The following COLEC11 variants were observed in gnomAD, a reference collection of about 807,000 sequenced individuals.
COLEC11 encodes the protein collectin subfamily member 11.
Under a neutral mutation model 27.3 loss-of-function variants are expected in COLEC11, and 20 were observed. The ratio of observed to expected loss-of-function variants is 0.73; its 90% CI spans 0.51 to 1.06. COLEC11 has a LOEUF of 1.06. COLEC11 is among the 50% of genes least tolerant of loss of function. The pLI is 0.00. For missense variants in COLEC11, 310 were observed against 383.0 expected (o/e 0.81, Z 1.59); for synonymous variants, 163 against 154.7 (o/e 1.05, Z -0.40).
chr2:3,642,527 T>TC (rs1665945623), intron 5 of COLEC11, among the ~76,000 whole-genome samples: 1 of 151,952 alleles, frequency 6.6e-6, no homozygotes, highest in South Asian at 2.1e-4. Context: ...CCCTATCAGC[T>TC]CCCTTTCACC....
intron 3 of COLEC11, among the ~76,000 whole-genome samples, chr2:3,627,554 G>C (rs982959355): frequency 3.3e-5 from 5 of 151,140 alleles, no homozygotes; most frequent in African/African-American, 1.2e-4. Flanking sequence ...GCATGACACT[G>C]GGCATGATGA....
intron 3 of COLEC11, among the ~76,000 whole-genome samples, chr2:3,618,047 T>A (rs1483392097): frequency 6.6e-6 from 1 of 152,240 alleles, no homozygotes; most frequent in Non-Finnish European, 1.5e-5. Context: ...TTATTTGTTT[T>A]TCGGCTATTG....
At chr2:3,624,410 T>C (rs1325915722) in intron 3 of COLEC11, among the ~76,000 whole-genome samples, 2 of 152,224 alleles carry the variant, frequency 1.3e-5, no homozygotes, top group Admixed American at 1.3e-4. Flanking sequence ...ATAGCCTTTC[T>C]TCCTAGCTCC....
chr2:3,631,703 T>C (rs1665015042), intron 3 of COLEC11, among the ~76,000 whole-genome samples: 1 of 151,150 alleles, frequency 6.6e-6, no homozygotes, highest in East Asian at 1.9e-4. Context: ...CGGAGGGGGC[T>C]CTGCTCGGAG....
Position 3,603,756 on chromosome 2 carries a change from C to T in COLEC11, c.-26-559C>T, listed in dbSNP as rs1662415674. On this transcript the variant is annotated intron_variant, in intron 1 of 6. Transcript: ENST00000349077. The stretch of plus-strand genomic sequence containing the variant: ...CCCACCTCCCCAGGCCCCTGGGTTC[C>T]TAAGGCCGGGGCTCCTCTCTCCTTA... 7 of 1,285,322 alleles carry T rather than the reference C, an allele frequency of 5.4e-6. No individual in the cohort carries two copies. The East Asian group carries it at 1.5e-4, about 28-fold the overall frequency. 79.6% of individuals were successfully genotyped at this position (1,285,322 alleles called of 1,614,324 possible). A position where few individuals can be genotyped will look rare whatever the true frequency, so the allele number is the denominator to read the frequency against.
At chr2:3,613,240 T>C (rs1572411646) in intron 2 of COLEC11, 71 bp from the exon 3 acceptor site, 1 of 1,502,134 alleles carries the variant, frequency 6.7e-7, no homozygotes, top group Admixed American at 1.9e-5. Flanking sequence ...TAACTGTTCT[T>C]CCTCCACAAA....
At chr2:3,642,631 C>G (rs763804774) in intron 5 of COLEC11, among the ~76,000 whole-genome samples, 2 of 152,326 alleles carry the variant, frequency 1.3e-5, no homozygotes, top group East Asian at 1.9e-4. Flanking sequence ...GTGCAGCTCC[C>G]CAGAGTTCTG....
At chr2:3,635,312 T>C (rs1428479898) in intron 3 of COLEC11, among the ~76,000 whole-genome samples, 1 of 151,968 alleles carries the variant, frequency 6.6e-6, no homozygotes, top group Non-Finnish European at 1.5e-5. Flanking sequence ...GGCGTTTTTC[T>C]TATCCTCCCA....
intron 2 of COLEC11, among the ~76,000 whole-genome samples, chr2:3,611,172 T>C (rs1663159172): frequency 6.7e-6 from 1 of 149,280 alleles, no homozygotes; most frequent in Non-Finnish European, 1.5e-5. Context: ...GAGTTTTTCC[T>C]TCAACTCTCA....
Position 3,635,547 on chromosome 2 carries a change from G to A in COLEC11, c.203-1986G>A, listed in dbSNP as rs1418632567. On this transcript the variant is annotated intron_variant, in intron 3 of 6. Transcript: ENST00000349077. ...GGACGGACGAGGAAGTGGTGTCCCC[G>A]TTGCCCCTTTTCTATTCCCTTCCCT... 4.6e-5 allele frequency among the ~76,000 whole-genome samples: 7 copies of A among 152,178 alleles called. 1 individual carries two copies. In the East Asian group the frequency reaches 5.8e-4, roughly 13 times the overall value.
intron 3 of COLEC11, among the ~76,000 whole-genome samples, chr2:3,625,749 C>T (rs1664508179): frequency 6.7e-6 from 1 of 148,870 alleles, no homozygotes; most frequent in Admixed American, 6.8e-5. Context: ...TCTCCTGCCT[C>T]AGCCTCCTGA....
intron 2 of COLEC11, chr2:3,606,325 A>G: frequency 8.0e-7 from 1 of 1,245,896 alleles, no homozygotes. Flanking sequence ...TGCTGTTGGG[A>G]GGGTCCTTCC....
rs202154259 is a variant in COLEC11 at position 3,621,401 on chromosome 2, TTAG to T, written c.202+8021_202+8023del. Among the ~76,000 whole-genome samples, 100 of 152,358 alleles carry T rather than the reference TTAG, an allele frequency of 6.6e-4. No homozygotes were observed. In the East Asian group the frequency reaches 0.018, roughly 28 times the overall value. ...AATATCTTTTTCCATCCCTTCATTT[TTAG>T]TCTATGTGTGATCTTAAAGCTGAAG... On this transcript the variant is annotated intron_variant, in intron 3 of 6. Coordinates refer to ENST00000349077, the MANE Select transcript of COLEC11 (RefSeq NM_024027.5).
At chr2:3,603,624 C>A (rs1445534929) in intron 1 of COLEC11, 1 of 1,550,948 alleles carries the variant, frequency 6.4e-7, no homozygotes, top group African/African-American at 1.4e-5. Context: ...GTCTTGTTTT[C>A]CAAGTTGTAA....
At chr2:3,608,813 C>G (rs971808518) in intron 2 of COLEC11, among the ~76,000 whole-genome samples, 3 of 152,240 alleles carry the variant, frequency 2.0e-5, no homozygotes, top group Admixed American at 6.5e-5. Flanking sequence ...GCAGCCCCGC[C>G]GTGGATGGGA....
rs12478522 is a variant in COLEC11, at chr2:3,605,254, C to T, written c.130+784C>T. On this transcript the variant is annotated intron_variant, in intron 2 of 6. Coordinates refer to ENST00000349077, the MANE Select transcript of COLEC11 (RefSeq NM_024027.5). ...GTGGCAGGGCCGGGGCTGCACCGGC[C>T]GCAGCAGAGTCCAGGCCGCCGCTGA... Among the ~76,000 whole-genome samples the T allele has an allele frequency of 1.4e-5, 2 of 138,426 alleles. 1 individual carries two copies. The highest frequency in any genetic ancestry group is 3.2e-5 in the Non-Finnish European group (2 of 61,716). The allele number at this position is 138,426 out of a possible 152,430, so 90.8% of individuals were successfully genotyped here.
intron 5 of COLEC11, among the ~76,000 whole-genome samples, chr2:3,642,439 C>A (rs1415560659): frequency 1.3e-5 from 2 of 152,162 alleles, no homozygotes; most frequent in Non-Finnish European, 2.9e-5. Context: ...CTCTGCGTCC[C>A]ACCCATGTCC....
chr2:3,617,516 A>C (rs1016025679), intron 3 of COLEC11: 8 of 1,494,112 alleles, frequency 5.4e-6, no homozygotes, highest in Non-Finnish European at 7.5e-6. Flanking sequence ...TGCTTGTGGA[A>C]TATACAGTGC....
In COLEC11 at chr2:3,604,215, C is replaced by T. The variant is rs530610582; in HGVS notation, c.-26-100C>T. 56 of 1,317,968 alleles carry T rather than the reference C, an allele frequency of 4.2e-5. 1 individual carries two copies. The East Asian group carries it at 8.6e-4, about 20-fold the overall frequency. The allele number at this position is 1,317,968 out of a possible 1,614,324, so 81.6% of individuals were successfully genotyped here. ...TGGGGGCCCAGACAGCCCTTCCAGG[C>T]ACCAGGAGGGCTACACCCCTTGCCT... On this transcript the variant is annotated intron_variant, in intron 1 of 6. Coordinates refer to ENST00000349077, the MANE Select transcript of COLEC11 (RefSeq NM_024027.5).
Sources: allele counts gnomAD v4.1 joint callset (sites outside exome capture counted in the v4.1 genomes callset), GRCh38; gene constraint gnomAD v4.1.1; transcripts MANE v1.5; gene names NCBI Gene and HGNC (gene_info 2026-07-23, HGNC 2026-07-21).